UBXN2A: variants seen among roughly 807,000 people sequenced by gnomAD.
UBXN2A encodes UBX domain protein 2A.
Under a neutral mutation model 28.4 loss-of-function variants are expected in UBXN2A, and 28 were observed. The ratio of observed to expected loss-of-function variants is 0.99; its 90% CI spans 0.73 to 1.35. UBXN2A has a LOEUF of 1.35. Among genes scored for constraint, UBXN2A ranks in the 40% most tolerant of loss-of-function variants. The probability of loss-of-function intolerance (pLI) is 0.00; values close to 1 mark genes in which losing one functional copy is unlikely to be tolerated. For missense variants in UBXN2A, 253 were observed against 297.9 expected (o/e 0.85, Z 1.11); for synonymous variants, 97 against 103.6 (o/e 0.94, Z 0.39).
intron 6 of UBXN2A, among the ~76,000 whole-genome samples, chr2:23,992,259 C>T (rs1398172686): frequency 4.6e-5 from 7 of 152,058 alleles, no homozygotes; most frequent in Non-Finnish European, 7.4e-5. Flanking sequence ...CATGAGCCAC[C>T]GCGCCCAGCC....
chr2:23,963,471 CA>C (rs563195167), intron 2 of UBXN2A, among the ~76,000 whole-genome samples: 472 of 102,212 alleles, frequency 4.6e-3, no homozygotes, highest in Non-Finnish European at 4.2e-3. Flanking sequence ...GACAGTGTCT[CA>C]AAAAAAAAAA....
Position 23,981,808 on chromosome 2 carries a change from A to G in UBXN2A, c.288-1088A>G, listed in dbSNP as rs575808168. The stretch of plus-strand genomic sequence containing the variant: ...GAGTCTGAGGCAGGAGGATCGCTTC[A>G]GCCCAGGAGGTCAAGGCTGCAGGGA... On this transcript the variant is annotated intron_variant, in intron 4 of 6. Coordinates refer to ENST00000309033, the MANE Select transcript of UBXN2A (RefSeq NM_181713.4). Among the ~76,000 whole-genome samples the G allele has an allele frequency of 4.6e-5, 7 of 152,144 alleles. No individual in the cohort carries two copies. The East Asian group carries it at 1.4e-3, about 30-fold the overall frequency.
intron 4 of UBXN2A, among the ~76,000 whole-genome samples, chr2:23,979,810 A>G (rs114412512): frequency 0.065 from 9,858 of 152,022 alleles, 412 homozygotes; most frequent in African/African-American, 0.12. Context: ...ATCTCAAGCA[A>G]TCCTCCTGCC....
chr2:23,934,147 C>T (rs1274487586), intron 1 of UBXN2A, among the ~76,000 whole-genome samples: 1 of 150,836 alleles, frequency 6.6e-6, no homozygotes, highest in African/African-American at 2.4e-5. Context: ...ATGCGGGAGG[C>T]GGAGGTTGCA....
intron 2 of UBXN2A, among the ~76,000 whole-genome samples, chr2:23,959,476 A>G (rs926686650): frequency 6.6e-6 from 1 of 152,166 alleles, no homozygotes; most frequent in African/African-American, 2.4e-5. Flanking sequence ...TGGGTGACAG[A>G]GCAAGACTCC....
At chr2:23,971,215 A>G in intron 2 of UBXN2A, 61 bp from the exon 3 acceptor site, 1 of 1,432,600 alleles carries the variant, frequency 7.0e-7, no homozygotes, top group Non-Finnish European at 9.3e-7. Flanking sequence ...ACTAGAACAA[A>G]ATAAGTAAAT....
At chr2:23,975,423 A>G (rs949770255) in intron 3 of UBXN2A, among the ~76,000 whole-genome samples, 2 of 152,220 alleles carry the variant, frequency 1.3e-5, no homozygotes, top group African/African-American at 4.8e-5. Flanking sequence ...CATTTCAATC[A>G]AAATAACATG....
At chr2:23,961,539 CTT>C (rs71395167) in intron 2 of UBXN2A, among the ~76,000 whole-genome samples, 26 of 51,280 alleles carry the variant, frequency 5.1e-4, no homozygotes, top group Admixed American at 1.1e-3. Flanking sequence ...AGAAAACTGC[CTT>C]TTTTTTTTTT....
At chr2:23,953,917 GT>G (rs1234794388) in intron 1 of UBXN2A, among the ~76,000 whole-genome samples, 1 of 152,066 alleles carries the variant, frequency 6.6e-6, no homozygotes, top group African/African-American at 2.4e-5. Context: ...ATGTTTTTTT[GT>G]CTGGTTGTCT....
At chr2:23,944,151 C>T in intron 1 of UBXN2A, 4 of 1,024,872 alleles carry the variant, frequency 3.9e-6, no homozygotes, top group South Asian at 3.8e-5. Context: ...ACTTGGAACT[C>T]ATTGGTCCCT....
At chr2:23,994,148 TC>T (rs937651882) in intron 6 of UBXN2A, among the ~76,000 whole-genome samples, 4 of 152,218 alleles carry the variant, frequency 2.6e-5, no homozygotes, top group Admixed American at 1.3e-4. Flanking sequence ...GCTTCCACTC[TC>T]CTACTCAAAA....
At chr2:23,963,498 A>G (rs953968208) in intron 2 of UBXN2A, among the ~76,000 whole-genome samples, 15 of 151,546 alleles carry the variant, frequency 9.9e-5, no homozygotes, top group African/African-American at 3.6e-4. Context: ...AGAAAAGTGG[A>G]AAAAAAGTCT....
At chr2:23,948,260 T>TTTTTCTTTTTC (rs1706191603) in intron 1 of UBXN2A, among the ~76,000 whole-genome samples, 1 of 150,324 alleles carries the variant, frequency 6.7e-6, no homozygotes, top group Non-Finnish European at 1.5e-5. Flanking sequence ...TTTTCTTTTT[T>TTTTTCTTTTTC]TTTTTTTTTT....
chr2:23,985,914 A>G (rs1384380183), intron 6 of UBXN2A, among the ~76,000 whole-genome samples: 2 of 152,128 alleles, frequency 1.3e-5, no homozygotes, highest in Non-Finnish European at 2.9e-5. Context: ...GCTTGAGCCC[A>G]GGAGGTAGAG....
intron 1 of UBXN2A, among the ~76,000 whole-genome samples, chr2:23,934,367 A>C (rs867919904): frequency 2.6e-5 from 4 of 152,244 alleles, no homozygotes; most frequent in Non-Finnish European, 5.9e-5. Context: ...GCTAGTAGCC[A>C]ATGTGTTGGA....
chr2:23,955,700 G>C (rs1455989556), intron 1 of UBXN2A, among the ~76,000 whole-genome samples: 1 of 152,130 alleles, frequency 6.6e-6, no homozygotes, highest in African/African-American at 2.4e-5. Context: ...AGGCAGTTAT[G>C]ATATAATGGT....
At chr2:23,945,989 G>C (rs542396459) in intron 1 of UBXN2A, among the ~76,000 whole-genome samples, 1 of 151,560 alleles carries the variant, frequency 6.6e-6, no homozygotes, top group South Asian at 2.1e-4. Context: ...GTGTTCCCAC[G>C]TCCGGCTAGT....
intron 6 of UBXN2A, chr2:23,996,683 G>C (rs1335510687): frequency 6.7e-6 from 1 of 149,316 alleles, no homozygotes; most frequent in Non-Finnish European, 1.5e-5. Flanking sequence ...CACCATGTTG[G>C]TCAGGCTGGT....
In UBXN2A at chr2:23,999,838, G is replaced by A. The variant is rs376193605; in HGVS notation, c.751G>A (p.Ala251Thr). Residue 251 changes from alanine to threonine, a missense_variant, in exon 7 of 7, where the codon GCA (alanine) becomes ACA (threonine). Physicochemically the swap from Ala to Thr is moderately conservative, Grantham distance 58. Coordinates refer to ENST00000309033, the MANE Select transcript of UBXN2A (RefSeq NM_181713.4). ...AVIIQRLQKT[A>T]SFRELSEH Reference sequence around the variant, plus strand: ...CATCATTCAGAGACTCCAAAAAACTGCATCTTTTAGAGAACTTTCAGAGCA... The same window carrying A: ...CATCATTCAGAGACTCCAAAAAACTACATCTTTTAGAGAACTTTCAGAGCA... 19 of 1,612,084 alleles carry A rather than the reference G, an allele frequency of 1.2e-5. No individual in the cohort carries two copies. Among genetic ancestry groups the A allele is most frequent in the Non-Finnish European group, 1.4e-5 (17 of 1,179,570 alleles).
Sources: allele counts gnomAD v4.1 joint callset (sites outside exome capture counted in the v4.1 genomes callset), GRCh38; gene constraint gnomAD v4.1.1; transcripts MANE v1.5; gene names NCBI Gene and HGNC (gene_info 2026-07-23, HGNC 2026-07-21).